CTNNA2: variants seen among roughly 807,000 people sequenced by gnomAD.
CTNNA2 encodes the protein catenin alpha 2.
In CTNNA2, 42 loss-of-function variants were observed where a neutral mutation model predicts 101.0. The ratio of observed to expected loss-of-function variants is 0.42; its 90% CI spans 0.32 to 0.54. The LOEUF is 0.54. Ranked by LOEUF, CTNNA2 falls within the 20% of genes least tolerant of loss-of-function variation. The probability of loss-of-function intolerance (pLI) is 0.14; values close to 1 mark genes in which losing one functional copy is unlikely to be tolerated. For missense variants in CTNNA2, 871 were observed against 1,223.1 expected (o/e 0.71, Z 4.29); for synonymous variants, 450 against 456.4 (o/e 0.99, Z 0.18).
rs147649543 is a variant in CTNNA2, at chr2:79,208,194, C to A, written c.-406+10118C>A. Among the ~76,000 whole-genome samples, 141 of 152,282 alleles carry A rather than the reference C, an allele frequency of 9.3e-4. 1 individual carries two copies. Among genetic ancestry groups the A allele is most frequent in the African/African-American group, 3.2e-3 (135 of 41,558 alleles). Reference sequence around the variant, plus strand: ...TCATGAATGGGCATTTCTCCAATTGCAATAGCCTGGGTAAGATCATTTCCT... The same window carrying A: ...TCATGAATGGGCATTTCTCCAATTGAAATAGCCTGGGTAAGATCATTTCCT... On this transcript the variant is annotated intron_variant, in intron 2 of 21. Transcript: ENST00000466387.
chr2:79,907,379 T>A (rs552220804), intron 6 of CTNNA2, among the ~76,000 whole-genome samples: 1 of 152,004 alleles, frequency 6.6e-6, no homozygotes, highest in African/African-American at 2.4e-5. Context: ...TCATCATAAA[T>A]GCATCAACAG....
chr2:80,173,433 A>C (rs1232746188), intron 7 of CTNNA2, among the ~76,000 whole-genome samples: 1 of 152,230 alleles, frequency 6.6e-6, no homozygotes, highest in Non-Finnish European at 1.5e-5. Context: ...CAGACATGCA[A>C]TTCATTTGAA....
At chr2:80,387,419 C>A (rs945051764) in intron 7 of CTNNA2, among the ~76,000 whole-genome samples, 3 of 152,056 alleles carry the variant, frequency 2.0e-5, no homozygotes, top group Non-Finnish European at 4.4e-5. Context: ...ATTACAAACA[C>A]CTTCAGAATT....
intron 7 of CTNNA2, among the ~76,000 whole-genome samples, chr2:79,947,145 G>A (rs569421586): frequency 6.6e-6 from 1 of 152,224 alleles, no homozygotes; most frequent in South Asian, 2.1e-4. Flanking sequence ...AAAATTCTGG[G>A]ATCATATTTA....
chr2:79,485,227 A>C (rs2104559463), intron 4 of CTNNA2, among the ~76,000 whole-genome samples: 1 of 152,326 alleles, frequency 6.6e-6, no homozygotes, highest in Non-Finnish European at 1.5e-5. Flanking sequence ...TAAGTAAAAA[A>C]AAAATACAAT....
intron 7 of CTNNA2, among the ~76,000 whole-genome samples, chr2:80,100,909 C>T (rs574585296): frequency 6.6e-6 from 1 of 152,260 alleles, no homozygotes; most frequent in Non-Finnish European, 1.5e-5. Flanking sequence ...CCTCTAACTT[C>T]CAGTTGTCAG....
intron 7 of CTNNA2, among the ~76,000 whole-genome samples, chr2:80,334,155 C>T (rs900911884): frequency 1.3e-5 from 2 of 152,214 alleles, no homozygotes; most frequent in Non-Finnish European, 2.9e-5. Context: ...ATTTCTGATG[C>T]TTCCTCCCTA....
At chr2:80,561,525 T>C (rs1693592785) in intron 12 of CTNNA2, among the ~76,000 whole-genome samples, 1 of 152,174 alleles carries the variant, frequency 6.6e-6, no homozygotes, top group Non-Finnish European at 1.5e-5. Flanking sequence ...CCATTCCCGC[T>C]CTTGGAGCAA....
intron 3 of CTNNA2, among the ~76,000 whole-genome samples, chr2:79,831,765 CAAAGT>C (rs1240002796): frequency 9.5e-5 from 14 of 147,146 alleles, no homozygotes; most frequent in African/African-American, 3.0e-4. Context: ...AAATCGTTAC[CAAAGT>C]AATTTCAATC....
chr2:79,978,952 T>C (rs1691061631), intron 7 of CTNNA2, among the ~76,000 whole-genome samples: 1 of 152,190 alleles, frequency 6.6e-6, no homozygotes, highest in African/African-American at 2.4e-5. Context: ...GGTTAAGTCA[T>C]TTGCTCAATG....
chr2:80,348,355 G>A (rs1286416698), intron 7 of CTNNA2, among the ~76,000 whole-genome samples: 1 of 152,166 alleles, frequency 6.6e-6, no homozygotes, highest in African/African-American at 2.4e-5. Context: ...TTCCGAATAT[G>A]TTTTCAGAGG....
intron 4 of CTNNA2, among the ~76,000 whole-genome samples, chr2:79,387,526 C>T (rs1678118534): frequency 6.6e-6 from 1 of 152,160 alleles, no homozygotes; most frequent in South Asian, 2.1e-4. Context: ...ATGGATCTAG[C>T]TTCAGCACTT....
At chr2:80,149,030 T>TC (rs1558853701) in intron 7 of CTNNA2, among the ~76,000 whole-genome samples, 194 of 150,422 alleles carry the variant, frequency 1.3e-3, no homozygotes, top group African/African-American at 4.4e-3. Flanking sequence ...GTTATTTTTT[T>TC]TTTTTTTTTT....
chr2:79,684,106 A>G (rs1683769403), intron 2 of CTNNA2, among the ~76,000 whole-genome samples: 1 of 152,216 alleles, frequency 6.6e-6, no homozygotes, highest in Non-Finnish European at 1.5e-5. Context: ...AGCCAGGATA[A>G]TGAACAATTA....
At chr2:80,195,452 G>A (rs886868048) in intron 7 of CTNNA2, among the ~76,000 whole-genome samples, 7 of 152,144 alleles carry the variant, frequency 4.6e-5, no homozygotes, top group Non-Finnish European at 1.0e-4. Context: ...TTCCATGTGA[G>A]CAAGAATAGA....
chr2:80,108,520 G>A (rs1410343173), intron 7 of CTNNA2, among the ~76,000 whole-genome samples: 3 of 152,144 alleles, frequency 2.0e-5, no homozygotes, highest in African/African-American at 7.2e-5. Flanking sequence ...CTTTCCTGCT[G>A]AGCCCATGCT....
intron 7 of CTNNA2, among the ~76,000 whole-genome samples, chr2:80,069,328 AT>A (rs1262190595): frequency 2.0e-5 from 3 of 152,204 alleles, no homozygotes; most frequent in African/African-American, 4.8e-5. Context: ...TAGGAATAAC[AT>A]TTTGCCAGCT....
At chr2:79,331,448 CT>C (rs1676870671) in intron 3 of CTNNA2, among the ~76,000 whole-genome samples, 1 of 152,178 alleles carries the variant, frequency 6.6e-6, no homozygotes, top group African/African-American at 2.4e-5. Context: ...AATTGCTCTA[CT>C]TTAAGTCTAA....
intron 3 of CTNNA2, among the ~76,000 whole-genome samples, chr2:79,367,684 CA>C (rs1242397379): frequency 6.6e-6 from 1 of 152,066 alleles, no homozygotes; most frequent in Non-Finnish European, 1.5e-5. Flanking sequence ...TGCTTTCATC[CA>C]GGCAAGAGAT....
Sources: allele counts gnomAD v4.1 joint callset (sites outside exome capture counted in the v4.1 genomes callset), GRCh38; gene constraint gnomAD v4.1.1; transcripts MANE v1.5; gene names NCBI Gene and HGNC (gene_info 2026-07-23, HGNC 2026-07-21).